Variants in AFG1L observed in about 807,000 individuals in gnomAD.
AFG1L encodes the protein AFG1 like ATPase, also known as AFG1-like ATPase.
AFG1L carries 53 observed loss-of-function variants against 62.2 expected under a neutral mutation model. The ratio of observed to expected loss-of-function variants is 0.85; its 90% CI spans 0.68 to 1.07. AFG1L has a LOEUF of 1.07. Ranked by LOEUF, AFG1L falls within the 50% of genes least tolerant of loss-of-function variation. The pLI is 0.00. For missense variants in AFG1L, 555 were observed against 590.5 expected (o/e 0.94, Z 0.62); for synonymous variants, 228 against 210.3 (o/e 1.08, Z -0.73).
chr6:108,328,270 T>A (rs766582594), intron 2 of AFG1L, among the ~76,000 whole-genome samples: 1 of 152,268 alleles, frequency 6.6e-6, no homozygotes, highest in Non-Finnish European at 1.5e-5. Context: ...TTTGGTTATG[T>A]GGCCTAGCCA....
intron 7 of AFG1L, among the ~76,000 whole-genome samples, chr6:108,407,631 G>A (rs1781915688): frequency 1.3e-5 from 2 of 151,532 alleles, no homozygotes; most frequent in Non-Finnish European, 2.9e-5. Flanking sequence ...GCTGCAGTGA[G>A]CCATCATTGT....
At chr6:108,298,881 G>A (rs1776871943) in intron 1 of AFG1L, among the ~76,000 whole-genome samples, 1 of 152,170 alleles carries the variant, frequency 6.6e-6, no homozygotes, top group Admixed American at 6.6e-5. Context: ...AGAGTGTTAG[G>A]GAGTGGTTTA....
At chr6:108,372,006 C>T (rs1197440803) in intron 6 of AFG1L, among the ~76,000 whole-genome samples, 1 of 152,012 alleles carries the variant, frequency 6.6e-6, no homozygotes, top group African/African-American at 2.4e-5. Flanking sequence ...AGTTCTCCCT[C>T]CTAGTCCTCC....
intron 8 of AFG1L, among the ~76,000 whole-genome samples, chr6:108,475,022 G>GT (rs1773053498): frequency 6.6e-6 from 1 of 152,130 alleles, no homozygotes; most frequent in Non-Finnish European, 1.5e-5. Context: ...ATGGTTTTGG[G>GT]TTTTACATTT....
At chr6:108,372,574 C>T (rs1780060339) in intron 6 of AFG1L, among the ~76,000 whole-genome samples, 1 of 152,078 alleles carries the variant, frequency 6.6e-6, no homozygotes, top group Non-Finnish European at 1.5e-5. Flanking sequence ...GTGATCCGCC[C>T]ACCTCGGCCT....
chr6:108,444,874 T>C (rs1240257597), intron 7 of AFG1L, among the ~76,000 whole-genome samples: 2 of 152,242 alleles, frequency 1.3e-5, no homozygotes, highest in East Asian at 3.8e-4. Context: ...TGCTTCAACA[T>C]CAAGTCATCA....
intron 7 of AFG1L, among the ~76,000 whole-genome samples, chr6:108,427,891 ACTTG>A: frequency 6.6e-6 from 1 of 152,118 alleles, no homozygotes; most frequent in African/African-American, 2.4e-5. Flanking sequence ...ATTGCTCTTT[ACTTG>A]TGTATTAGCT....
At chr6:108,311,753 G>A (rs186647286) in intron 1 of AFG1L, among the ~76,000 whole-genome samples, 1 of 152,058 alleles carries the variant, frequency 6.6e-6, no homozygotes, top group African/African-American at 2.4e-5. Flanking sequence ...CACTATAGAC[G>A]CTTTATCATT....
rs541182398 is a variant in AFG1L at position 108,326,028 on chromosome 6, C to T, written c.363+1980C>T. On this transcript the variant is annotated intron_variant, in intron 2 of 12. Transcript: ENST00000368977. ...CTGATCTCAAATGATCCCCCTGCTTCGGCCTCCCAAAGTGCTGGGATTACA... is the reference window on the plus strand; with the variant it reads ...CTGATCTCAAATGATCCCCCTGCTTTGGCCTCCCAAAGTGCTGGGATTACA... Among the ~76,000 whole-genome samples the T allele has an allele frequency of 1.6e-4, 25 of 152,226 alleles. No individual in the cohort carries two copies. The South Asian group carries it at 3.3e-3, about 20-fold the overall frequency.
chr6:108,307,756 C>A (rs1298474778), intron 1 of AFG1L, among the ~76,000 whole-genome samples: 1 of 152,048 alleles, frequency 6.6e-6, no homozygotes, highest in Admixed American at 6.6e-5. Context: ...TAGACAAGGC[C>A]AGTTTTCTAA....
At chr6:108,422,640 A>G (rs1361743974) in intron 7 of AFG1L, among the ~76,000 whole-genome samples, 3 of 151,880 alleles carry the variant, frequency 2.0e-5, no homozygotes, top group Non-Finnish European at 4.4e-5. Flanking sequence ...TAAATGTTCA[A>G]TCTCTTTATT....
intron 6 of AFG1L, among the ~76,000 whole-genome samples, chr6:108,394,108 C>T (rs993692031): frequency 1.4e-5 from 2 of 144,790 alleles, no homozygotes; most frequent in East Asian, 4.1e-4. Flanking sequence ...CTTTTCTTTC[C>T]TTTCCCCCTC....
chr6:108,414,859 A>G (rs549665226), intron 7 of AFG1L, among the ~76,000 whole-genome samples: 7 of 152,326 alleles, frequency 4.6e-5, no homozygotes, highest in Non-Finnish European at 8.8e-5. Flanking sequence ...GAAAACTGGC[A>G]CAAGACAGGG....
intron 1 of AFG1L, among the ~76,000 whole-genome samples, chr6:108,301,483 T>G (rs1156449184): frequency 1.3e-5 from 2 of 152,234 alleles, no homozygotes; most frequent in Non-Finnish European, 1.5e-5. Flanking sequence ...TATTCCTGCC[T>G]AACTATTAGG....
chr6:108,478,330 G>T (rs1272509890), intron 10 of AFG1L, among the ~76,000 whole-genome samples: 4 of 152,164 alleles, frequency 2.6e-5, no homozygotes, highest in African/African-American at 9.6e-5. Flanking sequence ...CCAGCTGCTG[G>T]GGAGGCTGAG....
intron 2 of AFG1L, among the ~76,000 whole-genome samples, chr6:108,339,058 G>C (rs1480261411): frequency 6.6e-6 from 1 of 151,970 alleles, no homozygotes; most frequent in Non-Finnish European, 1.5e-5. Flanking sequence ...CTCTTGTATT[G>C]TGAATGAGAG....
At chr6:108,448,514 G>A (rs1009335302) in intron 8 of AFG1L, among the ~76,000 whole-genome samples, 7 of 151,446 alleles carry the variant, frequency 4.6e-5, no homozygotes, top group Admixed American at 4.0e-4. Flanking sequence ...GTATCCTCAT[G>A]TGGAAAAATA....
chr6:108,341,930 C>T (rs555715905), intron 2 of AFG1L, among the ~76,000 whole-genome samples: 24 of 152,058 alleles, frequency 1.6e-4, no homozygotes, highest in Non-Finnish European at 2.9e-4. Context: ...TTTGGGAGTC[C>T]GGGATGTATC....
At chr6:108,308,339 C>T (rs768544930) in intron 1 of AFG1L, among the ~76,000 whole-genome samples, 6 of 151,940 alleles carry the variant, frequency 3.9e-5, no homozygotes, top group Non-Finnish European at 8.8e-5. Flanking sequence ...TTTATAGAGA[C>T]AGCATCTCTC....
Sources: allele counts gnomAD v4.1 joint callset (sites outside exome capture counted in the v4.1 genomes callset), GRCh38; gene constraint gnomAD v4.1.1; transcripts MANE v1.5; gene names NCBI Gene and HGNC (gene_info 2026-07-23, HGNC 2026-07-21).